Variants in ADPGK observed in about 807,000 individuals in gnomAD.
ADPGK encodes ADP-dependent glucokinase.
Under a neutral mutation model 42.4 loss-of-function variants are expected in ADPGK, and 26 were observed. The ratio of observed to expected loss-of-function variants is 0.61; its 90% confidence interval spans 0.45 to 0.85. ADPGK has a LOEUF of 0.85. ADPGK is among the 40% of genes least tolerant of loss of function. The pLI, the probability that ADPGK is intolerant of heterozygous loss-of-function variation, is 0.00. For synonymous variants in ADPGK, 267 were observed against 252.6 expected, an observed-to-expected ratio of 1.06 and a Z score of -0.54; for missense variants, 571 against 627.0, an observed-to-expected ratio of 0.91 and a Z score of 0.95.
chr15:72,783,386 T>A, intron 1 of ADPGK, 73 bp downstream of exon 1: 1 of 1,310,582 alleles, frequency 7.6e-7, no homozygotes, highest in Non-Finnish European at 9.7e-7. Context: ...AGAAGCCCTG[T>A]TTCTGCGCGG....
intron 1 of ADPGK, 188 bp from the exon 2 acceptor site, chr15:72,775,285 G>C: frequency 1.7e-6 from 1 of 593,312 alleles, no homozygotes; most frequent in Admixed American, 2.9e-5. Flanking sequence ...TTATGTATTA[G>C]CATCAGAACA....
intron 4 of ADPGK, among the ~76,000 whole-genome samples, chr15:72,759,224 C>A (rs2066159087): frequency 6.6e-6 from 1 of 152,230 alleles, no homozygotes; most frequent in Non-Finnish European, 1.5e-5. Context: ...GCATGAGCCA[C>A]CACGTGCGGC....
At chr15:72,779,612 GA>G in intron 1 of ADPGK, among the ~76,000 whole-genome samples, 1 of 152,030 alleles carries the variant, frequency 6.6e-6, no homozygotes, top group East Asian at 1.9e-4. Flanking sequence ...AAGTTTCCTA[GA>G]AACGCCTTAA....
At chr15:72,774,281 A>G (rs2066362933) in intron 2 of ADPGK, among the ~76,000 whole-genome samples, 1 of 152,182 alleles carries the variant, frequency 6.6e-6, no homozygotes, top group South Asian at 2.1e-4. Context: ...GGTTTAAATG[A>G]GGAGGAAGAA....
intron 1 of ADPGK, among the ~76,000 whole-genome samples, chr15:72,782,649 A>G (rs1279538916): frequency 5.3e-5 from 8 of 151,874 alleles, no homozygotes; most frequent in South Asian, 2.1e-4. Context: ...AGTTTGCTCT[A>G]CTTTACCCCT....
At chr15:72,759,589 C>G (rs1432150463) in intron 4 of ADPGK, among the ~76,000 whole-genome samples, 1 of 152,172 alleles carries the variant, frequency 6.6e-6, no homozygotes, top group Non-Finnish European at 1.5e-5. Context: ...AGAGAAGATT[C>G]TCTTAATTGA....
chr15:72,775,680 C>A (rs2066383240), intron 1 of ADPGK, among the ~76,000 whole-genome samples: 1 of 152,142 alleles, frequency 6.6e-6, no homozygotes, highest in South Asian at 2.1e-4. Flanking sequence ...TTCCTAAATG[C>A]CTGAGTACTC....
chr15:72,774,765 C>A, intron 2 of ADPGK, 107 bp downstream of exon 2: 4 of 979,656 alleles, frequency 4.1e-6, no homozygotes. Flanking sequence ...TGATTTTGCT[C>A]CCCTCCTCTT....
At chr15:72,757,877 T>G (rs2066137062) in intron 4 of ADPGK, 1 of 538,726 alleles carries the variant, frequency 1.9e-6, no homozygotes, top group African/African-American at 1.9e-5. Context: ...GTATTGAAAA[T>G]ACACTGATTT....
At chr15:72,775,871 A>C (rs1257164114) in intron 1 of ADPGK, among the ~76,000 whole-genome samples, 1 of 96,706 alleles carries the variant, frequency 1.0e-5, no homozygotes, top group East Asian at 3.7e-4. Context: ...CCTTATCTGA[A>C]GTGCTTGAGA....
chr15:72,765,784 CATG>C, intron 3 of ADPGK, among the ~76,000 whole-genome samples: 1 of 152,216 alleles, frequency 6.6e-6, no homozygotes, highest in Non-Finnish European at 1.5e-5. Context: ...TTGTATTCTT[CATG>C]ATAAAACTTG....
intron 3 of ADPGK, among the ~76,000 whole-genome samples, chr15:72,767,545 T>A (rs1283189303): frequency 1.3e-5 from 2 of 152,164 alleles, no homozygotes; most frequent in African/African-American, 4.8e-5. Context: ...TAGAATATTC[T>A]GCACCATGAA....
intron 1 of ADPGK, among the ~76,000 whole-genome samples, chr15:72,781,829 A>G (rs1444243786): frequency 6.6e-6 from 1 of 152,236 alleles, no homozygotes; most frequent in African/African-American, 2.4e-5. Flanking sequence ...ATTTGGACGT[A>G]GGGCCTTTAA....
intron 1 of ADPGK, among the ~76,000 whole-genome samples, chr15:72,779,701 C>T (rs1280911243): frequency 2.0e-5 from 3 of 152,124 alleles, no homozygotes; most frequent in Non-Finnish European, 4.4e-5. Context: ...CTAGTGCCTC[C>T]CAGAATTCCA....
intron 3 of ADPGK, among the ~76,000 whole-genome samples, chr15:72,762,203 A>G (rs1420870836): frequency 6.6e-6 from 1 of 151,226 alleles, no homozygotes; most frequent in South Asian, 2.1e-4. Context: ...TAGAGACAAG[A>G]CCTCACTATG....
rs181573006 is a variant in ADPGK at position 72,764,457 on chromosome 15, G to C, written c.523-3930C>G. Among the ~76,000 whole-genome samples the C allele has an allele frequency of 7.9e-5, 12 of 152,326 alleles. No individual in the cohort carries two copies. In the East Asian group the frequency reaches 2.3e-3, roughly 29 times the overall value. ...TCCTAACTCGCTCCAATTCTATGAAGGCTGAGAGAGGTGAGGAAGCTGCAA... is the reference window on the plus strand; with the variant it reads ...TCCTAACTCGCTCCAATTCTATGAACGCTGAGAGAGGTGAGGAAGCTGCAA... On this transcript the variant is annotated intron_variant, in intron 3 of 6. Transcript: ENST00000456471.
intron 1 of ADPGK, 83 bp from the exon 2 acceptor site, chr15:72,775,180 A>C: frequency 8.3e-7 from 1 of 1,211,170 alleles, no homozygotes; most frequent in Non-Finnish European, 1.2e-6. Flanking sequence ...AATGTTTCTC[A>C]GAACCTTATT....
chr15:72,762,749 A>G (rs547108262), intron 3 of ADPGK, among the ~76,000 whole-genome samples: 1 of 152,338 alleles, frequency 6.6e-6, no homozygotes, highest in South Asian at 2.1e-4. Context: ...TGGGAGGCTG[A>G]GACAGGCAGA....
At chr15:72,782,131 A>C (rs1025797136) in intron 1 of ADPGK, among the ~76,000 whole-genome samples, 1 of 152,234 alleles carries the variant, frequency 6.6e-6, no homozygotes, top group East Asian at 1.9e-4. Flanking sequence ...TATGTTTCCA[A>C]CAAGTGAGAC....
Sources: allele counts gnomAD v4.1 joint callset (sites outside exome capture counted in the v4.1 genomes callset), GRCh38; gene constraint gnomAD v4.1.1; transcripts MANE v1.5; gene names NCBI Gene and HGNC (gene_info 2026-07-23, HGNC 2026-07-21).